FAM20A: variants seen among roughly 807,000 people sequenced by gnomAD.
FAM20A encodes FAM20A golgi associated secretory pathway pseudokinase.
In FAM20A, 42 loss-of-function variants were observed where a neutral mutation model predicts 52.0. The ratio of observed to expected loss-of-function variants is 0.81; its 90% confidence interval spans 0.63 to 1.04. FAM20A has a LOEUF of 1.04. Among genes scored for constraint, FAM20A ranks in the 50% least tolerant of loss-of-function variants. The pLI, the probability that FAM20A is intolerant of heterozygous loss-of-function variation, is 0.00. For synonymous variants in FAM20A, 304 were observed against 298.9 expected (o/e 1.02, Z -0.18); for missense variants, 742 against 712.7 (o/e 1.04, Z -0.47).
intron 1 of FAM20A, among the ~76,000 whole-genome samples, chr17:68,587,885 T>G (rs977841370): frequency 3.9e-5 from 6 of 152,168 alleles, no homozygotes; most frequent in African/African-American, 1.4e-4. Context: ...GAAATACACA[T>G]AAAATATAGG....
chr17:68,568,329 G>T (rs181951437), intron 1 of FAM20A, among the ~76,000 whole-genome samples: 1 of 151,838 alleles, frequency 6.6e-6, no homozygotes, highest in East Asian at 1.9e-4. Context: ...TTAGCTAGGC[G>T]TGGTGGTGGG....
intron 1 of FAM20A, chr17:68,582,240 T>G (rs1474170726): frequency 6.6e-6 from 1 of 152,234 alleles, no homozygotes; most frequent in African/African-American, 2.4e-5. Flanking sequence ...GAGAAGGGTA[T>G]GTGCATGTAG....
chr17:68,568,208 G>A (rs545475856), intron 1 of FAM20A, among the ~76,000 whole-genome samples: 4 of 152,020 alleles, frequency 2.6e-5, no homozygotes, highest in East Asian at 1.9e-4. Context: ...AGTGGCTCAC[G>A]CCTGTAATCC....
Position 68,555,577 on chromosome 17 carries a change from A to G in FAM20A, c.571T>C (p.Phe191Leu). The G allele has an allele frequency of 1.2e-6, 2 of 1,612,974 alleles. No individual in the cohort carries two copies. The highest frequency in any genetic ancestry group is 1.7e-6 in the Non-Finnish European group (2 of 1,180,030). The change falls in exon 2 of 11, where the codon TTT becomes CTT. Residue 191 changes from phenylalanine (F) to leucine (L), a missense_variant. Physicochemically the swap from Phe to Leu is conservative, Grantham distance 22 (BLOSUM62 0). Transcript: ENST00000592554. Reference sequence around the variant, plus strand: ...ACCTTACCAGCACTGATGGTGGGAAAGTGCCTCATGTCTTGCAGAAGTTTG... The same window carrying G: ...ACCTTACCAGCACTGATGGTGGGAAGGTGCCTCATGTCTTGCAGAAGTTTG... Reference protein sequence around the residue: ...VSKLLQDMRHFPTISADYSQD... With the variant: ...VSKLLQDMRHLPTISADYSQD...
chr17:68,535,303 A>G lies in FAM20A; in HGVS notation c.*2174T>C, dbSNP rs1276848088. On this transcript the variant is annotated 3_prime_UTR_variant, in exon 11 of 11. Coordinates refer to ENST00000592554, the MANE Select transcript of FAM20A (RefSeq NM_017565.4). Reference sequence around the variant, plus strand: ...GAATAATAAGGTAGGTGTACCACATATCATGGTGAAATTCAAGCCTATTGC... The same window carrying G: ...GAATAATAAGGTAGGTGTACCACATGTCATGGTGAAATTCAAGCCTATTGC... The G allele has an allele frequency of 8.8e-6, 4 of 454,034 alleles. No individual in the cohort carries two copies. The allele number at this position is 454,034 out of a possible 1,614,324, so 28.1% of individuals were successfully genotyped here.
chr17:68,553,206 CCT>C (rs1377395628), intron 3 of FAM20A, among the ~76,000 whole-genome samples: 1 of 152,158 alleles, frequency 6.6e-6, no homozygotes, highest in Non-Finnish European at 1.5e-5. Flanking sequence ...CCCTTTGCAT[CCT>C]CTCTCTCCTG....
At chr17:68,552,445 A>G (rs373835750) in intron 3 of FAM20A, among the ~76,000 whole-genome samples, 1 of 152,020 alleles carries the variant, frequency 6.6e-6, no homozygotes, top group Non-Finnish European at 1.5e-5. Context: ...TTAAGACTGT[A>G]CACCTGGGCT....
At chr17:68,585,283 A>T (rs1843739404) in intron 1 of FAM20A, among the ~76,000 whole-genome samples, 1 of 145,114 alleles carries the variant, frequency 6.9e-6, no homozygotes, top group African/African-American at 2.7e-5. Context: ...TTAATTGGTA[A>T]ATCTATTTCT....
At chr17:68,592,953 G>C (rs546342320) in intron 1 of FAM20A, among the ~76,000 whole-genome samples, 13 of 152,314 alleles carry the variant, frequency 8.5e-5, no homozygotes, top group African/African-American at 2.4e-4. Flanking sequence ...CCAAAGCCAG[G>C]CTACAGGGAT....
intron 1 of FAM20A, among the ~76,000 whole-genome samples, chr17:68,574,839 C>T (rs1237776792): frequency 6.6e-6 from 1 of 152,044 alleles, no homozygotes; most frequent in Admixed American, 6.6e-5. Flanking sequence ...CCTATGTGTC[C>T]AGATGGGCTG....
At chr17:68,543,795 G>C (rs1439404905) in intron 4 of FAM20A, 74 bp from the exon 5 acceptor site, 3 of 1,296,924 alleles carry the variant, frequency 2.3e-6, no homozygotes, top group Non-Finnish European at 3.3e-6. Context: ...TGATGAGCAT[G>C]ACCAGCGAGA....
intron 1 of FAM20A, among the ~76,000 whole-genome samples, chr17:68,558,781 G>A (rs571415995): frequency 2.0e-5 from 3 of 149,720 alleles, no homozygotes; most frequent in East Asian, 2.0e-4. Context: ...TTCTTTCGAC[G>A]AAGTTTTGCT....
In FAM20A at chr17:68,581,392, T is replaced by TTCTTTC. The variant is rs2087963849; in HGVS notation, c.404+18865_404+18870dup. ...TTTCTTTCTTTCTTTCTTTCTTTCT[T>TTCTTTC]TCTTTCTTTCTTTCTTTCTTTCTTT... is the stretch of plus-strand genomic sequence containing the variant. On this transcript the variant is annotated intron_variant, in intron 1 of 10. Transcript: ENST00000592554. Among the ~76,000 whole-genome samples the TTCTTTC allele has an allele frequency of 2.7e-5, 4 of 147,448 alleles. No homozygotes were observed. The Admixed American group carries it at 2.7e-4, about 10-fold the overall frequency.
chr17:68,552,244 A>G (rs1256629653), intron 3 of FAM20A, among the ~76,000 whole-genome samples: 1 of 150,976 alleles, frequency 6.6e-6, no homozygotes, highest in Non-Finnish European at 1.5e-5. Flanking sequence ...TCCATTTTGA[A>G]AAAAAAAAAG....
intron 1 of FAM20A, among the ~76,000 whole-genome samples, chr17:68,583,374 A>T (rs950841203): frequency 6.6e-6 from 1 of 152,094 alleles, no homozygotes; most frequent in Non-Finnish European, 1.5e-5. Context: ...CTCTAGGAGA[A>T]AGCCCCTTCT....
intron 7 of FAM20A, 21 bp from the exon 8 acceptor site, chr17:68,540,979 T>C (rs779836567): frequency 6.4e-7 from 1 of 1,564,306 alleles, no homozygotes; most frequent in South Asian, 1.2e-5. Flanking sequence ...GAAGAAGTCC[T>C]GGGGCTGGAA....
intron 4 of FAM20A, among the ~76,000 whole-genome samples, chr17:68,545,666 G>A (rs1255635902): frequency 1.3e-5 from 2 of 152,300 alleles, no homozygotes; most frequent in Non-Finnish European, 2.9e-5. Context: ...AGATGTATCT[G>A]TAGCACGCAA....
intron 1 of FAM20A, among the ~76,000 whole-genome samples, chr17:68,578,006 C>T (rs1408487764): frequency 6.8e-6 from 1 of 146,644 alleles, no homozygotes; most frequent in Non-Finnish European, 1.5e-5. Flanking sequence ...TTTCACACAC[C>T]ACACACACAC....
Position 68,540,416 on chromosome 17 carries a change from C to A in FAM20A, c.1219+433G>T, listed in dbSNP as rs928325326. On this transcript the variant is annotated intron_variant, in intron 8 of 10. Transcript: ENST00000592554. The stretch of plus-strand genomic sequence containing the variant: ...CCGACCTAAGCTCCTGTATGACGGC[C>A]ACCTTCATAAGTGTCTCGTCTCCCT... 19 of 457,942 alleles carry A rather than the reference C, an allele frequency of 4.1e-5. No individual in the cohort carries two copies. The Admixed American group carries it at 4.5e-4, about 11-fold the overall frequency. 28.4% of individuals were successfully genotyped at this position (457,942 alleles called of 1,614,324 possible).
Sources: gnomAD v4.1 joint callset for allele counts (sites outside exome capture counted in the v4.1 genomes callset) on GRCh38, gnomAD v4.1.1 for gene constraint, MANE v1.5 for transcripts, NCBI Gene and HGNC (gene_info 2026-07-23, HGNC 2026-07-21) for gene names.